The following C1QTNF3 variants were observed in gnomAD, a reference collection of about 807,000 sequenced individuals.
The protein encoded by C1QTNF3 is complement C1q tumor necrosis factor-related protein 3.
Under a neutral mutation model 32.6 loss-of-function variants are expected in C1QTNF3, and 26 were observed. That is an observed-to-expected ratio of 0.80 (90% CI 0.58 to 1.11). C1QTNF3 has a LOEUF of 1.11. C1QTNF3 is among the 50% of genes least tolerant of loss of function. C1QTNF3 has a pLI of 0.00. For missense variants in C1QTNF3, 362 were observed against 398.2 expected, an observed-to-expected ratio of 0.91 and a Z score of 0.77; for synonymous variants, 155 against 146.0, an observed-to-expected ratio of 1.06 and a Z score of -0.44.
intron 1 of C1QTNF3, among the ~76,000 whole-genome samples, chr5:34,042,476 G>C (rs1045555564): frequency 2.0e-5 from 3 of 152,154 alleles, no homozygotes; most frequent in Non-Finnish European, 2.9e-5. Flanking sequence ...TACAGTGACC[G>C]ATCTGTCTGC....
chr5:34,095,011 T>C, the C1QTNF3 span, among the ~76,000 whole-genome samples: 1,102 of 151,918 alleles, frequency 7.3e-3, 8 homozygotes, highest in Non-Finnish European at 0.012. Context: ...CACATGTATA[T>C]AATGCACATG....
chr5:34,033,991 A>G (rs558386800), intron 2 of C1QTNF3, among the ~76,000 whole-genome samples: 1 of 152,312 alleles, frequency 6.6e-6, no homozygotes, highest in Admixed American at 6.5e-5. Context: ...GTGAGATCCC[A>G]TCTTTACAAA....
chr5:34,150,443 T>C, the C1QTNF3 span, among the ~76,000 whole-genome samples: 225 of 81,848 alleles, frequency 2.7e-3, no homozygotes, highest in Middle Eastern at 6.0e-3. Context: ...ATTGACCACA[T>C]AGTTGGAAGT....
At chr5:34,100,047 T>C in the C1QTNF3 span, among the ~76,000 whole-genome samples, 193 of 152,002 alleles carry the variant, frequency 1.3e-3, 3 homozygotes, top group Non-Finnish European at 2.1e-3. Context: ...CAACAGAAAT[T>C]TGTTTCTCAC....
At chr5:34,134,347 ATC>A in the C1QTNF3 span, among the ~76,000 whole-genome samples, 3,133 of 151,974 alleles carry the variant, frequency 0.021, 124 homozygotes, top group African/African-American at 0.073. Context: ...GGCCAGAAAA[ATC>A]TCTTTTCAAG....
intron 3 of C1QTNF3, among the ~76,000 whole-genome samples, chr5:34,032,624 C>A (rs370555499): frequency 3.9e-5 from 6 of 152,224 alleles, no homozygotes; most frequent in African/African-American, 1.4e-4. Flanking sequence ...TGGCAAAAAC[C>A]CGTCTGTATT....
At chr5:34,203,135 A>C in the C1QTNF3 span, among the ~76,000 whole-genome samples, 3 of 152,240 alleles carry the variant, frequency 2.0e-5, no homozygotes, top group East Asian at 5.8e-4. Context: ...AAAACACATG[A>C]AAGTAGCAAA....
the C1QTNF3 span, among the ~76,000 whole-genome samples, chr5:34,133,161 A>G: frequency 1.3e-5 from 2 of 152,182 alleles, no homozygotes; most frequent in South Asian, 4.1e-4. Context: ...TCCTTTGCAT[A>G]TTAGTTACGT....
the C1QTNF3 span, among the ~76,000 whole-genome samples, chr5:34,156,215 C>T: frequency 6.6e-6 from 1 of 152,106 alleles, no homozygotes. Context: ...GGATTACAGG[C>T]GCCCACCACC....
At chr5:34,061,090 G>T in the C1QTNF3 span, among the ~76,000 whole-genome samples, 2 of 152,294 alleles carry the variant, frequency 1.3e-5, no homozygotes, top group African/African-American at 4.8e-5. Flanking sequence ...CCAAATGGGA[G>T]AAATAGGCCA....
chr5:34,154,079 T>A, the C1QTNF3 span, among the ~76,000 whole-genome samples: 73,744 of 151,392 alleles, frequency 0.49, 20,250 homozygotes, highest in Non-Finnish European at 0.61. Flanking sequence ...GGTCTATCTA[T>A]CTAATACCAA....
the C1QTNF3 span, among the ~76,000 whole-genome samples, chr5:34,195,522 A>G: frequency 6.6e-6 from 1 of 151,966 alleles, no homozygotes. Flanking sequence ...CATCTGCTAC[A>G]GACTGCATGT....
At chr5:34,202,804 T>C in the C1QTNF3 span, among the ~76,000 whole-genome samples, 1 of 151,570 alleles carries the variant, frequency 6.6e-6, no homozygotes, top group Non-Finnish European at 1.5e-5. Context: ...AGTTTTTTGT[T>C]TTTTTTTTCC....
At chr5:34,056,479 T>TATATATATATAGAGAG in the C1QTNF3 span, among the ~76,000 whole-genome samples, 1 of 51,776 alleles carries the variant, frequency 1.9e-5, no homozygotes, top group Non-Finnish European at 3.4e-5. Context: ...TATATATATA[T>TATATATATATAGAGAG]AGAGAGAGAG....
the C1QTNF3 span, among the ~76,000 whole-genome samples, chr5:34,089,666 A>G: frequency 6.6e-6 from 1 of 152,254 alleles, no homozygotes; most frequent in African/African-American, 2.4e-5. Flanking sequence ...TGCACAGACT[A>G]AAACAGACTT....
At chr5:34,224,139 A>G in the C1QTNF3 span, among the ~76,000 whole-genome samples, 3 of 152,198 alleles carry the variant, frequency 2.0e-5, no homozygotes, top group Admixed American at 1.3e-4. Context: ...CCACTGCTCA[A>G]TGAAATAAAA....
the C1QTNF3 span, among the ~76,000 whole-genome samples, chr5:34,207,411 A>G: frequency 6.6e-6 from 1 of 151,976 alleles, no homozygotes; most frequent in African/African-American, 2.4e-5. Context: ...TTGATTTTCC[A>G]TCAGGTAACA....
At chr5:34,175,186 G>T in the C1QTNF3 span, among the ~76,000 whole-genome samples, 104 of 152,122 alleles carry the variant, frequency 6.8e-4, no homozygotes, top group South Asian at 1.2e-3. Flanking sequence ...TAGGACTACA[G>T]GCACACACCA....
the C1QTNF3 span, among the ~76,000 whole-genome samples, chr5:34,217,572 A>T: frequency 1.3e-5 from 2 of 152,124 alleles, no homozygotes; most frequent in African/African-American, 4.8e-5. Flanking sequence ...TAATGAGTCA[A>T]CTGCACTTAA....
Sources: allele counts gnomAD v4.1 joint callset (sites outside exome capture counted in the v4.1 genomes callset), GRCh38; gene constraint gnomAD v4.1.1; transcripts MANE v1.5; gene names NCBI Gene and HGNC (gene_info 2026-07-23, HGNC 2026-07-21).